Variants in TMEM117 observed in about 807,000 individuals in gnomAD.
TMEM117 encodes the protein transmembrane protein 117.
TMEM117 carries 27 observed loss-of-function variants against 52.4 expected under a neutral mutation model. The observed-to-expected ratio is 0.51, with a 90% CI of 0.38 to 0.71. The LOEUF (loss-of-function observed/expected upper bound fraction) is 0.71. Ranked by LOEUF, TMEM117 falls within the 30% of genes least tolerant of loss-of-function variation. TMEM117 has a pLI of 0.00. For missense variants in TMEM117, 556 were observed against 630.5 expected (o/e 0.88, Z 1.26); for synonymous variants, 215 against 206.3 (o/e 1.04, Z -0.36).
At chr12:44,290,112 C>T (rs1425055539) in intron 5 of TMEM117, among the ~76,000 whole-genome samples, 1 of 152,138 alleles carries the variant, frequency 6.6e-6, no homozygotes, top group African/African-American at 2.4e-5. Context: ...ATATTAACCC[C>T]TTGTCAGATA....
chr12:43,866,880 C>T (rs558620431), intron 2 of TMEM117, among the ~76,000 whole-genome samples: 50 of 152,214 alleles, frequency 3.3e-4, no homozygotes, highest in Middle Eastern at 3.4e-3. Context: ...CACCTGAGGT[C>T]GGGAGGTTGA....
At chr12:44,134,189 C>T (rs146329907) in intron 3 of TMEM117, among the ~76,000 whole-genome samples, 57 of 152,244 alleles carry the variant, frequency 3.7e-4, no homozygotes, top group African/African-American at 1.2e-3. Context: ...TCTCTCAAAA[C>T]GGAGACACAT....
At chr12:44,094,601 G>T (rs184055245) in intron 3 of TMEM117, among the ~76,000 whole-genome samples, 1 of 151,966 alleles carries the variant, frequency 6.6e-6, no homozygotes, top group Admixed American at 6.6e-5. Context: ...TAAATCAATC[G>T]ACACAAATAT....
chr12:44,386,481 T>C (rs1211436382), intron 7 of TMEM117, among the ~76,000 whole-genome samples: 2 of 152,154 alleles, frequency 1.3e-5, no homozygotes, highest in African/African-American at 4.8e-5. Context: ...CTGAACAATG[T>C]CAGGACAAGC....
At chr12:43,797,412 G>A in the TMEM117 span, 1 of 1,599,076 alleles carries the variant, frequency 6.3e-7, no homozygotes, top group Non-Finnish European at 8.5e-7. Context: ...TGTATTTGTT[G>A]TGTTGGCCAA....
chr12:43,915,954 A>C (rs1040188495), intron 2 of TMEM117, among the ~76,000 whole-genome samples: 1 of 151,780 alleles, frequency 6.6e-6, no homozygotes, highest in Non-Finnish European at 1.5e-5. Context: ...CACTCTAACA[A>C]CTCTCTTGTC....
At chr12:44,069,582 G>T (rs1947270616) in intron 3 of TMEM117, among the ~76,000 whole-genome samples, 1 of 152,142 alleles carries the variant, frequency 6.6e-6, no homozygotes, top group African/African-American at 2.4e-5. Context: ...TCATAAGGGG[G>T]CCTGACTGAG....
chr12:44,047,758 A>T (rs1190486132), intron 3 of TMEM117, among the ~76,000 whole-genome samples: 1 of 152,074 alleles, frequency 6.6e-6, no homozygotes, highest in Non-Finnish European at 1.5e-5. Context: ...CATTTGTTTT[A>T]TATATTACTG....
At chr12:43,879,348 C>G (rs1352699373) in intron 2 of TMEM117, among the ~76,000 whole-genome samples, 1 of 152,158 alleles carries the variant, frequency 6.6e-6, no homozygotes, top group Admixed American at 6.5e-5. Flanking sequence ...CCATGGGGGT[C>G]ATTGGTGACT....
At chr12:43,929,358 G>C (rs891662549) in intron 2 of TMEM117, among the ~76,000 whole-genome samples, 4 of 151,250 alleles carry the variant, frequency 2.6e-5, no homozygotes, top group Non-Finnish European at 1.5e-5. Context: ...TATTCATTTA[G>C]TGATTACCCT....
chr12:44,249,998 T>C (rs942095079), intron 5 of TMEM117, among the ~76,000 whole-genome samples: 1 of 152,168 alleles, frequency 6.6e-6, no homozygotes, highest in Non-Finnish European at 1.5e-5. Context: ...AAATGGGATC[T>C]AATTAAACTA....
chr12:43,995,072 C>CG (rs1053593918), intron 3 of TMEM117, among the ~76,000 whole-genome samples: 1 of 151,930 alleles, frequency 6.6e-6, no homozygotes, highest in Non-Finnish European at 1.5e-5. Flanking sequence ...GTCAGGAGAT[C>CG]GAGATCATGC....
chr12:44,327,835 T>G (rs1269360419), intron 6 of TMEM117, among the ~76,000 whole-genome samples: 1 of 152,128 alleles, frequency 6.6e-6, no homozygotes, highest in Non-Finnish European at 1.5e-5. Flanking sequence ...AACTCCACAG[T>G]TGCCAAGATC....
chr12:44,101,024 A>G (rs1359655133), intron 3 of TMEM117, among the ~76,000 whole-genome samples: 1 of 151,954 alleles, frequency 6.6e-6, no homozygotes, highest in Non-Finnish European at 1.5e-5. Flanking sequence ...GTTGAGGACC[A>G]TCTTCTGGTT....
chr12:44,179,157 T>C (rs2657577), intron 4 of TMEM117, among the ~76,000 whole-genome samples: 47,077 of 151,794 alleles, frequency 0.31, 12,756 homozygotes, highest in African/African-American at 0.74. Flanking sequence ...CACGCCACTG[T>C]CCTCCAGCCT....
chr12:44,224,146 CCA>C (rs975677198), intron 5 of TMEM117, among the ~76,000 whole-genome samples: 1 of 151,674 alleles, frequency 6.6e-6, no homozygotes. Flanking sequence ...TTACACACAC[CCA>C]CACACACACA....
At chr12:43,977,331 A>G (rs1027162525) in intron 3 of TMEM117, among the ~76,000 whole-genome samples, 1 of 151,912 alleles carries the variant, frequency 6.6e-6, no homozygotes, top group African/African-American at 2.4e-5. Context: ...CTGCAGGGAC[A>G]TTTCCTTCAT....
At chr12:43,990,242 G>A (rs997779440) in intron 3 of TMEM117, among the ~76,000 whole-genome samples, 7 of 152,120 alleles carry the variant, frequency 4.6e-5, no homozygotes, top group Admixed American at 3.3e-4. Flanking sequence ...TTCAACCCAC[G>A]TGAAAAATGT....
chr12:44,029,144 A>G (rs1946591570), intron 3 of TMEM117, among the ~76,000 whole-genome samples: 2 of 152,066 alleles, frequency 1.3e-5, no homozygotes, highest in South Asian at 4.1e-4. Context: ...TTCTCTCAAT[A>G]AAAGGCAAGG....
Sources: gnomAD v4.1 joint callset for allele counts (sites outside exome capture counted in the v4.1 genomes callset) on GRCh38, gnomAD v4.1.1 for gene constraint, MANE v1.5 for transcripts, NCBI Gene and HGNC (gene_info 2026-07-23, HGNC 2026-07-21) for gene names.